Variants in SGCE observed in about 807,000 individuals in gnomAD.
SGCE encodes the protein epsilon-sarcoglycan.
SGCE carries 26 observed loss-of-function variants against 57.8 expected under a neutral mutation model. That is an observed-to-expected ratio of 0.45 (90% CI 0.33 to 0.62). SGCE has a LOEUF of 0.62. SGCE is among the 20% of genes least tolerant of loss of function. SGCE has a pLI of 0.02. For missense variants in SGCE, 468 were observed against 548.6 expected, an observed-to-expected ratio of 0.85 and a Z score of 1.47; for synonymous variants, 183 against 189.5, an observed-to-expected ratio of 0.97 and a Z score of 0.28.
intron 1 of SGCE, among the ~76,000 whole-genome samples, chr7:94,640,496 T>C (rs922530850): frequency 1.3e-5 from 2 of 152,202 alleles, no homozygotes; most frequent in South Asian, 2.1e-4. Context: ...TTAGACATGA[T>C]AGATTTGGGC....
At chr7:94,612,135 A>G (rs926762341) in intron 5 of SGCE, among the ~76,000 whole-genome samples, 5 of 152,182 alleles carry the variant, frequency 3.3e-5, no homozygotes, top group Admixed American at 3.3e-4. Context: ...GTTTCTTACA[A>G]CTGTTAATGG....
rs549213726 is a variant in SGCE at position 94,603,441 on chromosome 7, A to G, written c.674T>C (p.Met225Thr). 4 of 1,613,152 alleles carry G rather than the reference A, an allele frequency of 2.5e-6. No homozygotes were observed. Among genetic ancestry groups the G allele is most frequent in the South Asian group, 2.2e-5 (2 of 91,060 alleles). ...AGAAAACGGGACATCTGCACCAACC[A>G]TGACATAAACGCTGTAAAAATGTGA... ...INDLKEGVYV[M>T]VGADVPFSSC... Residue 225 changes from methionine to threonine, a missense_variant, in exon 6 of 11, where the codon ATG (methionine) becomes ACG (threonine). By Grantham distance (81) the Met-to-Thr change is moderately conservative. Transcript: ENST00000648936.
chr7:94,592,159 T>C (rs1448839672), intron 9 of SGCE, among the ~76,000 whole-genome samples: 1 of 152,230 alleles, frequency 6.6e-6, no homozygotes, highest in Non-Finnish European at 1.5e-5. Context: ...TGTGAACCTG[T>C]AAGTATTAAA....
intron 5 of SGCE, among the ~76,000 whole-genome samples, chr7:94,611,174 G>A (rs1800965212): frequency 6.6e-6 from 1 of 152,150 alleles, no homozygotes; most frequent in Non-Finnish European, 1.5e-5. Flanking sequence ...GAAAATATAT[G>A]TCTACACAAA....
Position 94,600,732 on chromosome 7 carries a change from G to A in SGCE, c.951C>T (p.Phe317=), listed in dbSNP as rs1799079813. 6.2e-7 allele frequency: 1 copy of A among 1,613,832 alleles called. No individual in the cohort carries two copies. Among genetic ancestry groups the A allele is most frequent in the Non-Finnish European group, 8.5e-7 (1 of 1,179,858 alleles). Residue 317 remains phenylalanine (F), a synonymous_variant, in exon 7 of 11, where the codon TTC becomes TTT. Coordinates refer to ENST00000648936, the MANE Select transcript of SGCE (RefSeq NM_003919.3). ...CCGAGGGCACAGCCAGTGTAATTAG[G>A]AAATCCGTGTAATAGTCTCTGCTTT... The part of the protein sequence containing the change: ...SLKSRDYYTD[F]LITLAVPSAV...
intron 9 of SGCE, among the ~76,000 whole-genome samples, chr7:94,596,855 A>G (rs890810172): frequency 3.9e-5 from 6 of 152,174 alleles, no homozygotes; most frequent in Admixed American, 2.0e-4. Flanking sequence ...ATATCTGTCA[A>G]CATTTCACTG....
At chr7:94,591,354 A>T (rs1797647842) in intron 9 of SGCE, among the ~76,000 whole-genome samples, 1 of 152,128 alleles carries the variant, frequency 6.6e-6, no homozygotes, top group Non-Finnish European at 1.5e-5. Flanking sequence ...TCTACACTCA[A>T]AACGAACACA....
At chr7:94,614,415 A>T (rs979984814) in intron 5 of SGCE, among the ~76,000 whole-genome samples, 10 of 152,150 alleles carry the variant, frequency 6.6e-5, no homozygotes, top group African/African-American at 2.4e-4. Context: ...ACAGGTCCCT[A>T]ATGCTTCAGG....
At chr7:94,627,635 C>T (rs908426823) in intron 3 of SGCE, 2 of 152,406 alleles carry the variant, frequency 1.3e-5, no homozygotes, top group Admixed American at 6.6e-5. Context: ...TCTACTTTGT[C>T]AAGTAAATTC....
intron 8 of SGCE, 178 bp from the exon 9 acceptor site, chr7:94,599,141 C>CA (rs1445887007): frequency 3.6e-6 from 2 of 560,502 alleles, no homozygotes; most frequent in Non-Finnish European, 6.3e-6. Context: ...TTTAATATAA[C>CA]AAAACTGAAA....
At chr7:94,642,400 T>C (rs1806516701) in intron 1 of SGCE, among the ~76,000 whole-genome samples, 1 of 152,196 alleles carries the variant, frequency 6.6e-6, no homozygotes. Flanking sequence ...TTTTTCCTGA[T>C]GGCTATGTTC....
chr7:94,632,646 A>C (rs938719272), intron 1 of SGCE, among the ~76,000 whole-genome samples: 13 of 152,200 alleles, frequency 8.5e-5, no homozygotes, highest in Admixed American at 6.6e-4. Flanking sequence ...TAAAAATAAT[A>C]CTTCCTTTCT....
At chr7:94,606,702 A>G (rs185199426) in intron 5 of SGCE, among the ~76,000 whole-genome samples, 171 of 152,310 alleles carry the variant, frequency 1.1e-3, no homozygotes, top group Non-Finnish European at 1.9e-3. Flanking sequence ...TGAAACATTT[A>G]GCAACATTCC....
At chr7:94,638,056 T>C (rs1310025318) in intron 1 of SGCE, among the ~76,000 whole-genome samples, 1 of 152,154 alleles carries the variant, frequency 6.6e-6, no homozygotes, top group African/African-American at 2.4e-5. Context: ...TCAGGGGTGA[T>C]TCCCTTGAAG....
intron 10 of SGCE, chr7:94,587,756 T>A (rs1584470676): frequency 1.3e-6 from 2 of 1,535,848 alleles, no homozygotes; most frequent in Non-Finnish European, 1.8e-6. Flanking sequence ...TGAAATCTGA[T>A]GAACAATTTC....
chr7:94,632,200 A>G (rs900349316), intron 1 of SGCE, among the ~76,000 whole-genome samples: 1 of 152,002 alleles, frequency 6.6e-6, no homozygotes, highest in African/African-American at 2.4e-5. Context: ...ACAAAGCAAA[A>G]TGAAAGGTTG....
chr7:94,641,079 G>C (rs888475268), intron 1 of SGCE: 2 of 152,350 alleles, frequency 1.3e-5, no homozygotes, highest in East Asian at 3.8e-4. Context: ...CAAAGAAAGA[G>C]AGAAGCAGTC....
chr7:94,587,019 GGC>G, intron 10 of SGCE: 1 of 982,936 alleles, frequency 1.0e-6, no homozygotes, highest in Non-Finnish European at 1.2e-6. Flanking sequence ...GAAGGTAATA[GGC>G]TCTAGTGTTA....
chr7:94,654,732 A>G (rs1808350182), intron 1 of SGCE, among the ~76,000 whole-genome samples: 1 of 152,236 alleles, frequency 6.6e-6, no homozygotes, highest in African/African-American at 2.4e-5. Context: ...TGTTATGACA[A>G]TAAGTCAAAT....
Sources: allele counts gnomAD v4.1 joint callset (sites outside exome capture counted in the v4.1 genomes callset), GRCh38; gene constraint gnomAD v4.1.1; transcripts MANE v1.5; gene names NCBI Gene and HGNC (gene_info 2026-07-23, HGNC 2026-07-21).